Variants in FAM163A observed in about 807,000 individuals in gnomAD.
FAM163A encodes the protein family with sequence similarity 163 member A, also known as protein FAM163A.
Under a neutral mutation model 12.0 loss-of-function variants are expected in FAM163A, and 7 were observed. The ratio of observed to expected loss-of-function variants is 0.58; its 90% CI spans 0.33 to 1.10. The LOEUF (loss-of-function observed/expected upper bound fraction) is 1.10, where lower values mean the gene tolerates loss of function less well. Among genes scored for constraint, FAM163A ranks in the 50% least tolerant of loss-of-function variants. The probability of loss-of-function intolerance (pLI) is 0.03; values close to 1 mark genes in which losing one functional copy is unlikely to be tolerated. For synonymous variants in FAM163A, 101 were observed against 91.0 expected, an observed-to-expected ratio of 1.11 and a Z score of -0.62; for missense variants, 202 against 218.6, an observed-to-expected ratio of 0.92 and a Z score of 0.48.
chr1:179,815,248 C>T lies in FAM163A; in HGVS notation c.*1059C>T, dbSNP rs1695225073. The T allele has an allele frequency of 6.6e-6, 1 of 152,338 alleles. No individual in the cohort carries two copies. The highest frequency in any genetic ancestry group is 2.4e-5 in the African/African-American group (1 of 41,422). The allele number at this position is 152,338 out of a possible 1,614,324, so 9.4% of individuals were successfully genotyped here. A position where few individuals can be genotyped will look rare whatever the true frequency, so the allele number is the denominator to read the frequency against. Reference sequence around the variant, plus strand: ...GAGAAGGAAAAGTCTGATCCCGAAACAGCTTGAACGAAAGGTGGTTAACAC... The same window carrying T: ...GAGAAGGAAAAGTCTGATCCCGAAATAGCTTGAACGAAAGGTGGTTAACAC... On this transcript the variant is annotated 3_prime_UTR_variant, in exon 5 of 5. Coordinates refer to ENST00000341785, the MANE Select transcript of FAM163A (RefSeq NM_173509.3).
At chr1:179,772,823 C>T (rs1413799478) in intron 1 of FAM163A, among the ~76,000 whole-genome samples, 2 of 151,682 alleles carry the variant, frequency 1.3e-5, no homozygotes, top group African/African-American at 4.9e-5. Flanking sequence ...ATGGCTTGCT[C>T]TATCACTAAG....
intron 1 of FAM163A, among the ~76,000 whole-genome samples, chr1:179,774,967 G>C (rs1341343062): frequency 6.6e-6 from 1 of 152,070 alleles, no homozygotes; most frequent in Admixed American, 6.5e-5. Flanking sequence ...ACAAAGAATT[G>C]GACAAAACGC....
chr1:179,740,275 T>C (rs1240458203), upstream of FAM163A, among the ~76,000 whole-genome samples: 1 of 152,098 alleles, frequency 6.6e-6, no homozygotes, highest in East Asian at 1.9e-4. Flanking sequence ...AACTCCTGGG[T>C]TCAAGGGATC....
intron 1 of FAM163A, among the ~76,000 whole-genome samples, chr1:179,757,566 C>T (rs950813485): frequency 6.6e-6 from 1 of 152,192 alleles, no homozygotes; most frequent in Non-Finnish European, 1.5e-5. Flanking sequence ...AACCCCAGCA[C>T]CTTAGGAGGC....
Position 179,813,673 on chromosome 1 carries a change from T to C in FAM163A, c.94-106T>C. On this transcript the variant is annotated intron_variant, in intron 4 of 4. Transcript: ENST00000341785. ...GCCCCTGGGGTTCAGTGCCTGGCACTAGGTTCTCCATGGAGCAGGGGACAG... is the reference window on the plus strand; with the variant it reads ...GCCCCTGGGGTTCAGTGCCTGGCACCAGGTTCTCCATGGAGCAGGGGACAG... The C allele has an allele frequency of 4.5e-6, 6 of 1,328,010 alleles. No homozygotes were observed. The Admixed American group carries it at 1.3e-4, about 28-fold the overall frequency. The allele number at this position is 1,328,010 out of a possible 1,614,324, so 82.3% of individuals were successfully genotyped here. A position where few individuals can be genotyped will look rare whatever the true frequency, so the allele number is the denominator to read the frequency against.
intron 1 of FAM163A, among the ~76,000 whole-genome samples, chr1:179,766,464 T>C (rs1197448433): frequency 6.6e-6 from 1 of 152,220 alleles, no homozygotes; most frequent in African/African-American, 2.4e-5. Flanking sequence ...TTGTGTCCAA[T>C]CATATTTCTA....
intron 1 of FAM163A, among the ~76,000 whole-genome samples, chr1:179,793,784 G>A (rs1182493733): frequency 6.6e-6 from 1 of 152,214 alleles, no homozygotes; most frequent in Admixed American, 6.5e-5. Context: ...GGATCTGGAG[G>A]CCCCGTTGCT....
chr1:179,753,847 TTATTAA>T (rs1685624473), intron 1 of FAM163A, among the ~76,000 whole-genome samples: 1 of 152,182 alleles, frequency 6.6e-6, no homozygotes, highest in Non-Finnish European at 1.5e-5. Flanking sequence ...ATTGGAGCAC[TTATTAA>T]CTGTGTGATA....
At chr1:179,760,176 A>T (rs1034285197) in intron 1 of FAM163A, among the ~76,000 whole-genome samples, 3 of 152,076 alleles carry the variant, frequency 2.0e-5, no homozygotes, top group Admixed American at 2.0e-4. Flanking sequence ...ACGGTTATGG[A>T]TGGATTTGGA....
At chr1:179,812,989 C>T (rs887141286) in intron 3 of FAM163A, 87 bp from the exon 4 acceptor site, 10 of 1,279,678 alleles carry the variant, frequency 7.8e-6, no homozygotes, top group African/African-American at 1.5e-5. Flanking sequence ...CCTGCCCCAG[C>T]CTCGGGGCAG....
At chr1:179,739,065 G>T (rs944006697), upstream of FAM163A, among the ~76,000 whole-genome samples, 1 of 152,106 alleles carries the variant, frequency 6.6e-6, no homozygotes, top group East Asian at 1.9e-4. Flanking sequence ...CAATTAAATG[G>T]TTAACAAATG....
intron 1 of FAM163A, among the ~76,000 whole-genome samples, chr1:179,751,108 G>A (rs1245516188): frequency 1.3e-5 from 2 of 152,254 alleles, no homozygotes; most frequent in Admixed American, 6.5e-5. Flanking sequence ...TGAGTGGATG[G>A]GTCAAGAGAA....
chr1:179,760,911 G>A (rs11576953), intron 1 of FAM163A, among the ~76,000 whole-genome samples: 8,122 of 152,206 alleles, frequency 0.053, 230 homozygotes, highest in South Asian at 0.08. Context: ...ACCAAGTGAC[G>A]TTTACTTTTG....
intron 1 of FAM163A, among the ~76,000 whole-genome samples, chr1:179,791,493 G>A (rs936827555): frequency 2.6e-5 from 4 of 152,128 alleles, no homozygotes; most frequent in African/African-American, 9.7e-5. Flanking sequence ...TTAGAGCTGG[G>A]GTGTTCACAC....
At position 179,787,505 on chromosome 1, in the gene FAM163A, A is replaced by G. The variant is rs1166297552; in HGVS notation, c.-135-20293A>G. 2.0e-5 allele frequency among the ~76,000 whole-genome samples: 3 copies of G among 152,184 alleles called. No homozygotes were observed. In the East Asian group the frequency reaches 5.8e-4, roughly 29 times the overall value. ...CAAATAACGACATGACCCTGAGAGC[A>G]TTGCTATAATATTAGAAGATCTACA... On this transcript the variant is annotated intron_variant, in intron 1 of 4. Transcript: ENST00000341785.
At chr1:179,741,823 T>C (rs576368670), upstream of FAM163A, among the ~76,000 whole-genome samples, 10 of 152,282 alleles carry the variant, frequency 6.6e-5, 1 homozygote, top group South Asian at 2.1e-3. Flanking sequence ...ATAGTTGCTT[T>C]AGGGGGAAGG....
At chr1:179,795,728 G>T (rs1478626885) in intron 1 of FAM163A, among the ~76,000 whole-genome samples, 1 of 152,180 alleles carries the variant, frequency 6.6e-6, no homozygotes, top group Non-Finnish European at 1.5e-5. Context: ...GCTGAATCGG[G>T]CTCAATAGCA....
At chr1:179,736,567 T>C in the FAM163A span, among the ~76,000 whole-genome samples, 81 of 152,226 alleles carry the variant, frequency 5.3e-4, no homozygotes, top group East Asian at 0.014. Flanking sequence ...CCCAGCACTT[T>C]GGAAGGCCAA....
intron 1 of FAM163A, among the ~76,000 whole-genome samples, chr1:179,799,175 C>A (rs764717241): frequency 2.0e-5 from 3 of 151,680 alleles, no homozygotes; most frequent in Non-Finnish European, 3.0e-5. Context: ...GATGCTTCTG[C>A]CTTTCCTAGC....
Sources: allele counts gnomAD v4.1 joint callset (sites outside exome capture counted in the v4.1 genomes callset), GRCh38; gene constraint gnomAD v4.1.1; transcripts MANE v1.5; gene names NCBI Gene and HGNC (gene_info 2026-07-23, HGNC 2026-07-21).